Variants in ST3GAL6 observed in about 807,000 individuals in gnomAD.
The protein encoded by ST3GAL6 is ST3 beta-galactoside alpha-2,3-sialyltransferase 6, also known as type 2 lactosamine alpha-2,3-sialyltransferase.
Under a neutral mutation model 40.5 loss-of-function variants are expected in ST3GAL6, and 31 were observed. That is an observed-to-expected ratio of 0.77 (90% CI 0.58 to 1.03). The LOEUF is 1.03. Among genes scored for constraint, ST3GAL6 ranks in the 50% least tolerant of loss-of-function variants. ST3GAL6 has a pLI of 0.00. For synonymous variants in ST3GAL6, 129 were observed against 136.9 expected (o/e 0.94, Z 0.40); for missense variants, 357 against 393.2 (o/e 0.91, Z 0.78).
chr3:98,742,170 T>G (rs760068339), intron 1 of ST3GAL6, among the ~76,000 whole-genome samples: 2 of 152,240 alleles, frequency 1.3e-5, no homozygotes, highest in Non-Finnish European at 2.9e-5. Flanking sequence ...AGTTTTGACT[T>G]CCTTCCCCTC....
At chr3:98,742,040 A>G (rs967531647) in intron 1 of ST3GAL6, among the ~76,000 whole-genome samples, 3 of 152,184 alleles carry the variant, frequency 2.0e-5, no homozygotes, top group African/African-American at 4.8e-5. Flanking sequence ...TATATTTTAC[A>G]CAGTAGAAAG....
chr3:98,770,832 A>T (rs201311499), intron 2 of ST3GAL6, 47 bp from the exon 3 acceptor site: 1 of 1,556,322 alleles, frequency 6.4e-7, no homozygotes, highest in Non-Finnish European at 8.9e-7. Context: ...CCCTTTGGGC[A>T]GGGTGCCCGA....
chr3:98,793,156 G>A (rs527274781), intron 9 of ST3GAL6, among the ~76,000 whole-genome samples: 8 of 152,002 alleles, frequency 5.3e-5, no homozygotes, highest in East Asian at 1.9e-4. Context: ...TTTCTCCTCC[G>A]CCCTAAACTT....
At chr3:98,746,543 A>T (rs1210234294) in intron 1 of ST3GAL6, among the ~76,000 whole-genome samples, 1 of 152,100 alleles carries the variant, frequency 6.6e-6, no homozygotes, top group Non-Finnish European at 1.5e-5. Flanking sequence ...TATAATGTGA[A>T]TAATGTCGTC....
At chr3:98,768,343 C>T in intron 1 of ST3GAL6, 87 bp from the exon 2 acceptor site, 2 of 945,300 alleles carry the variant, frequency 2.1e-6, no homozygotes, top group East Asian at 2.4e-5. Flanking sequence ...TATATTTTTT[C>T]CAATAATGCT....
chr3:98,762,695 A>G (rs902396684), upstream of ST3GAL6: 96 of 656,220 alleles, frequency 1.5e-4, no homozygotes, highest in African/African-American at 1.8e-3. Context: ...ATATTATTAA[A>G]TGATTATTTA....
upstream of ST3GAL6, among the ~76,000 whole-genome samples, chr3:98,759,957 T>G (rs1310693625): frequency 1.3e-5 from 2 of 152,028 alleles, no homozygotes; most frequent in Non-Finnish European, 2.9e-5. Context: ...AAAGACAGTG[T>G]CCAGGGAATT....
At chr3:98,762,388 TCTTAA>T (rs900838581), upstream of ST3GAL6, among the ~76,000 whole-genome samples, 20 of 152,264 alleles carry the variant, frequency 1.3e-4, no homozygotes, top group Non-Finnish European at 1.5e-4. Context: ...AGAGTTTTTT[TCTTAA>T]CTTGTATTAA....
intron 1 of ST3GAL6, among the ~76,000 whole-genome samples, chr3:98,736,191 G>A (rs1255868315): frequency 6.6e-6 from 1 of 152,130 alleles, no homozygotes; most frequent in Non-Finnish European, 1.5e-5. Flanking sequence ...AGAGGGAAAG[G>A]AAAGCACCTA....
chr3:98,747,007 G>GT (rs993983530), intron 1 of ST3GAL6, among the ~76,000 whole-genome samples: 2 of 152,092 alleles, frequency 1.3e-5, no homozygotes, highest in African/African-American at 4.8e-5. Flanking sequence ...CTGTTTAATA[G>GT]TCCCCTTTAT....
At chr3:98,746,384 G>A (rs543661070) in intron 1 of ST3GAL6, among the ~76,000 whole-genome samples, 1 of 151,980 alleles carries the variant, frequency 6.6e-6, no homozygotes, top group Non-Finnish European at 1.5e-5. Flanking sequence ...CTGGGGTGAC[G>A]TTTTTCATTG....
chr3:98,787,583 T>G (rs1399600394), intron 6 of ST3GAL6, among the ~76,000 whole-genome samples: 1 of 152,192 alleles, frequency 6.6e-6, no homozygotes, highest in Non-Finnish European at 1.5e-5. Context: ...ACAACAATTT[T>G]GATGGGTCTT....
At chr3:98,733,378 G>T in intron 1 of ST3GAL6, 1 of 1,047,634 alleles carries the variant, frequency 9.5e-7, no homozygotes. Context: ...TCGAATCGCC[G>T]GCGAGGTTGT....
At chr3:98,737,119 G>A (rs924439070) in intron 1 of ST3GAL6, among the ~76,000 whole-genome samples, 5 of 151,978 alleles carry the variant, frequency 3.3e-5, no homozygotes, top group African/African-American at 4.8e-5. Flanking sequence ...CTCGATCTCC[G>A]CTCACTAAAA....
At chr3:98,784,084 G>A (rs1394884943) in intron 5 of ST3GAL6, among the ~76,000 whole-genome samples, 1 of 152,246 alleles carries the variant, frequency 6.6e-6, no homozygotes. Flanking sequence ...CTGATTTCAC[G>A]GGTCTTAGGG....
intron 5 of ST3GAL6, chr3:98,783,485 C>G: frequency 1.1e-6 from 1 of 886,154 alleles, no homozygotes; most frequent in Non-Finnish European, 1.4e-6. Context: ...TTCTCTGCTG[C>G]AAATGGACAT....
intron 1 of ST3GAL6, chr3:98,733,588 G>A: frequency 2.0e-6 from 2 of 985,468 alleles, no homozygotes; most frequent in Non-Finnish European, 2.4e-6. Flanking sequence ...GAGAAAGGAG[G>A]ACGGTGAGTA....
chr3:98,782,877 T>C, intron 5 of ST3GAL6: 2 of 453,554 alleles, frequency 4.4e-6, no homozygotes, highest in South Asian at 3.6e-5. Flanking sequence ...GAGTCTGAGA[T>C]AAAAGGGGAT....
intron 1 of ST3GAL6, among the ~76,000 whole-genome samples, chr3:98,753,367 A>G (rs1937171849): frequency 6.6e-6 from 1 of 152,262 alleles, no homozygotes; most frequent in African/African-American, 2.4e-5. Flanking sequence ...GAAACTCTCC[A>G]TAACACAAAA....
Sources: gnomAD v4.1 joint callset for allele counts (sites outside exome capture counted in the v4.1 genomes callset) on GRCh38, gnomAD v4.1.1 for gene constraint, MANE v1.5 for transcripts, NCBI Gene and HGNC (gene_info 2026-07-23, HGNC 2026-07-21) for gene names.